NPHP1: variants seen among roughly 807,000 people sequenced by gnomAD.
The protein encoded by NPHP1 is nephrocystin-1.
In NPHP1, 70 loss-of-function variants were observed where a neutral mutation model predicts 90.4. The ratio of observed to expected loss-of-function variants is 0.77; its 90% CI spans 0.64 to 0.95. The LOEUF is 0.95. NPHP1 is among the 40% of genes least tolerant of loss of function. The probability of loss-of-function intolerance (pLI) is 0.00; values close to 1 mark genes in which losing one functional copy is unlikely to be tolerated. For missense variants in NPHP1, 764 were observed against 795.9 expected, an observed-to-expected ratio of 0.96 and a Z score of 0.48; for synonymous variants, 256 against 271.7, an observed-to-expected ratio of 0.94 and a Z score of 0.57.
chr2:110,135,408 C>T (rs915112553), intron 16 of NPHP1, among the ~76,000 whole-genome samples: 14 of 131,066 alleles, frequency 1.1e-4, no homozygotes, highest in African/African-American at 3.5e-4. Flanking sequence ...ACCCGGGAGG[C>T]GGAGCTTGCA....
At chr2:110,136,031 T>C (rs1227607420) in intron 16 of NPHP1, among the ~76,000 whole-genome samples, 1 of 152,142 alleles carries the variant, frequency 6.6e-6, no homozygotes, top group Non-Finnish European at 1.5e-5. Flanking sequence ...TGCAAATCAA[T>C]AAATGTAATC....
chr2:110,179,633 T>G lies in NPHP1; in HGVS notation c.195A>C (p.Lys65Asn). The G allele has an allele frequency of 1.5e-6, 2 of 1,353,716 alleles. No homozygotes were observed. The highest frequency in any genetic ancestry group is 2.1e-6 in the Non-Finnish European group (2 of 947,872). 83.9% of individuals were successfully genotyped at this position (1,353,716 alleles called of 1,614,324 possible). The change falls in exon 3 of 20, where the codon AAA becomes AAC. Residue 65 changes from lysine to asparagine, a missense_variant. Transcript: ENST00000445609. ...AIDENKNALQ[K>N]LSKADESAPV... ...TAACCTCAATACTTACTTTGCTTAA[T>G]TTTTGAAGAGCATTTTTATTTTCAT...
At position 110,146,751 on chromosome 2, in the gene NPHP1, AC is replaced by A. The variant is rs747861275; in HGVS notation, c.1352+1del. On this transcript the variant is annotated splice_donor_variant, in intron 14 of 19. Coordinates refer to ENST00000445609, the MANE Select transcript of NPHP1 (RefSeq NM_001128178.3). LOFTEE classifies it high-confidence loss of function. Reference sequence around the variant, plus strand: ...TTCGTTAGGAATATATAGCCAACTTACTTTGCTGGAATAGGAACTCCACTGG... The same window carrying A: ...TTCGTTAGGAATATATAGCCAACTTATTTGCTGGAATAGGAACTCCACTGG... 4.4e-6 allele frequency: 7 copies of A among 1,605,560 alleles called. No homozygotes were observed. Among genetic ancestry groups the A allele is most frequent in the Non-Finnish European group, 6.0e-6 (7 of 1,172,262 alleles).
intron 16 of NPHP1, among the ~76,000 whole-genome samples, chr2:110,141,986 A>AAAAG (rs1559055112): frequency 6.6e-6 from 1 of 151,212 alleles, no homozygotes; most frequent in African/African-American, 2.4e-5. Context: ...AAAAAAAAAA[A>AAAAG]AAAGAAAGAA....
Position 110,129,169 on chromosome 2 carries a change from C to T in NPHP1, c.1716+17G>A. ...TCCATAAGCCAGCAGGTTTCCATTG[C>T]AATGCATGCTACCCACCCTGAGAGC... On this transcript the variant is annotated intron_variant, in intron 18 of 19. Coordinates refer to ENST00000445609, the MANE Select transcript of NPHP1 (RefSeq NM_001128178.3). 6.2e-7 allele frequency: 1 copy of T among 1,601,082 alleles called. No individual in the cohort carries two copies. The highest frequency in any genetic ancestry group is 8.6e-7 in the Non-Finnish European group (1 of 1,169,098).
At chr2:110,168,353 T>G (rs1402129129) in intron 6 of NPHP1, 99 bp downstream of exon 6, 11 of 787,572 alleles carry the variant, frequency 1.4e-5, no homozygotes, top group Admixed American at 1.2e-4. Flanking sequence ...ATATCTCAAG[T>G]CATTCACTAG....
chr2:110,185,828 CAGG>C (rs1438793887), intron 2 of NPHP1, among the ~76,000 whole-genome samples: 1 of 152,164 alleles, frequency 6.6e-6, no homozygotes, highest in South Asian at 2.1e-4. Context: ...TGGAGGAGGG[CAGG>C]AGTAGTACTC....
chr2:110,160,326 C>A, intron 10 of NPHP1, 71 bp from the exon 11 acceptor site: 1 of 1,295,056 alleles, frequency 7.7e-7, no homozygotes, highest in South Asian at 1.3e-5. Context: ...TTTGTGAATT[C>A]GGCTTATGAA....
chr2:110,190,271 T>C (rs1480320734), intron 2 of NPHP1, among the ~76,000 whole-genome samples: 4 of 152,138 alleles, frequency 2.6e-5, no homozygotes, highest in African/African-American at 9.7e-5. Context: ...GACTGGGCAC[T>C]GTGGAGCAGG....
intron 11 of NPHP1, among the ~76,000 whole-genome samples, chr2:110,155,445 G>A (rs941689191): frequency 2.6e-5 from 4 of 152,152 alleles, no homozygotes; most frequent in Admixed American, 2.0e-4. Flanking sequence ...CCCCAGAACA[G>A]TAGCTCCACC....
chr2:110,170,149 T>C, intron 4 of NPHP1, 151 bp from the exon 5 acceptor site: 1 of 1,095,966 alleles, frequency 9.1e-7, no homozygotes, highest in Admixed American at 1.8e-5. Flanking sequence ...GTTTCTACCA[T>C]CTAGCTAAGA....
intron 4 of NPHP1, among the ~76,000 whole-genome samples, chr2:110,175,895 A>AT (rs1683476930): frequency 6.6e-6 from 1 of 151,972 alleles, no homozygotes; most frequent in Admixed American, 6.6e-5. Flanking sequence ...TGTTCTTTGC[A>AT]TTTTTTTATT....
At chr2:110,124,128 A>G (rs1415393659) in intron 19 of NPHP1, 65 bp from the exon 20 acceptor site, 1 of 1,591,352 alleles carries the variant, frequency 6.3e-7, no homozygotes, top group Admixed American at 1.7e-5. Context: ...TGTGAACTCT[A>G]TTAACTAAAA....
Position 110,124,068 on chromosome 2 carries a change from G to A in NPHP1, c.1762-5C>T, listed in dbSNP as rs902083393. On this transcript the variant is annotated splice_polypyrimidine_tract_variant and splice_region_variant and intron_variant, in intron 19 of 19. Transcript: ENST00000445609. Reference sequence around the variant, plus strand: ...CTTCAGGAACTCTTTGTCTCTCTGGGAAAACACCACCCCCACAAATAACAT... The same window carrying A: ...CTTCAGGAACTCTTTGTCTCTCTGGAAAAACACCACCCCCACAAATAACAT... 6.2e-7 allele frequency: 1 copy of A among 1,613,786 alleles called. No homozygotes were observed. Among genetic ancestry groups the A allele is most frequent in the Non-Finnish European group, 8.5e-7 (1 of 1,179,830 alleles).
At chr2:110,182,692 CT>C (rs1683990511) in intron 2 of NPHP1, among the ~76,000 whole-genome samples, 1 of 152,128 alleles carries the variant, frequency 6.6e-6, no homozygotes, top group Non-Finnish European at 1.5e-5. Flanking sequence ...TAAAAACACA[CT>C]GAAGTACACA....
chr2:110,125,800 A>C (rs936295758), intron 18 of NPHP1, 119 bp from the exon 19 acceptor site: 1 of 835,490 alleles, frequency 1.2e-6, no homozygotes, highest in Non-Finnish European at 2.0e-6. Flanking sequence ...TACAGATTCT[A>C]TACAAGCAAG....
At chr2:110,128,815 C>A in intron 18 of NPHP1, 2 of 271,332 alleles carry the variant, frequency 7.4e-6, no homozygotes, top group East Asian at 8.6e-5. Context: ...GCAAACAGCA[C>A]ACATGGAATT....
chr2:110,170,427 G>C (rs1683039299), intron 4 of NPHP1, among the ~76,000 whole-genome samples: 1 of 152,158 alleles, frequency 6.6e-6, no homozygotes, highest in Admixed American at 6.5e-5. Context: ...GATAATAATA[G>C]AACCTGCCTT....
intron 7 of NPHP1, 89 bp downstream of exon 7, chr2:110,164,963 C>G: frequency 9.2e-7 from 1 of 1,092,812 alleles, no homozygotes; most frequent in Non-Finnish European, 1.4e-6. Context: ...GTCTCCATTT[C>G]AAGAAAGTAT....
Sources: allele counts gnomAD v4.1 joint callset (sites outside exome capture counted in the v4.1 genomes callset), GRCh38; gene constraint gnomAD v4.1.1; transcripts MANE v1.5; gene names NCBI Gene and HGNC (gene_info 2026-07-23, HGNC 2026-07-21).